CAMK2D: variants seen among roughly 807,000 people sequenced by gnomAD.
CAMK2D encodes the protein calcium/calmodulin-dependent protein kinase type II subunit delta.
A neutral mutation model predicts 84.0 loss-of-function variants in CAMK2D; 37 were observed. That is an observed-to-expected ratio of 0.44 (90% CI 0.34 to 0.58). The LOEUF (loss-of-function observed/expected upper bound fraction) is 0.58, where lower values mean the gene tolerates loss of function less well. Ranked by LOEUF, CAMK2D falls within the 20% of genes least tolerant of loss-of-function variation. The probability of loss-of-function intolerance (pLI) is 0.02; values close to 1 mark genes in which losing one functional copy is unlikely to be tolerated. For missense variants in CAMK2D, 448 were observed against 652.5 expected, an observed-to-expected ratio of 0.69 and a Z score of 3.41; for synonymous variants, 202 against 212.5, an observed-to-expected ratio of 0.95 and a Z score of 0.43.
chr4:113,592,255 AT>A (rs1472881867), intron 4 of CAMK2D, among the ~76,000 whole-genome samples: 1 of 152,116 alleles, frequency 6.6e-6, no homozygotes, highest in Non-Finnish European at 1.5e-5. Context: ...GATGAAATGG[AT>A]GAGTGCATGG....
In CAMK2D at chr4:113,537,472, T is replaced by G. The variant is rs1340896293; in HGVS notation, c.415-29A>C. The G allele has an allele frequency of 2.3e-6, 3 of 1,322,396 alleles. No individual in the cohort carries two copies. The South Asian group carries it at 3.6e-5, about 16-fold the overall frequency. 81.9% of individuals were successfully genotyped at this position (1,322,396 alleles called of 1,614,324 possible). A position where few individuals can be genotyped will look rare whatever the true frequency, so the allele number is the denominator to read the frequency against. On this transcript the variant is annotated intron_variant, in intron 6 of 20. Transcript: ENST00000511664. ...TATTTAGAAAGAAAAAAAAAGAGAC[T>G]GAAGTGAGAACCTATTTTAAGCGAC...
At chr4:113,553,785 T>C (rs1053150441) in intron 4 of CAMK2D, among the ~76,000 whole-genome samples, 4 of 152,222 alleles carry the variant, frequency 2.6e-5, no homozygotes, top group African/African-American at 9.6e-5. Flanking sequence ...TAGCTATTTA[T>C]TCCGATTAGA....
chr4:113,696,251 C>A (rs2099402529), intron 2 of CAMK2D, among the ~76,000 whole-genome samples: 1 of 151,210 alleles, frequency 6.6e-6, no homozygotes, highest in African/African-American at 2.4e-5. Context: ...TACTCCTTAG[C>A]CCCCTTCCCT....
intron 4 of CAMK2D, among the ~76,000 whole-genome samples, chr4:113,587,792 A>G (rs115255841): frequency 2.0e-5 from 3 of 152,240 alleles, no homozygotes; most frequent in Non-Finnish European, 4.4e-5. Flanking sequence ...GAGGCTGTCT[A>G]TCATCAGTAC....
chr4:113,639,938 C>A (rs1205342837), intron 3 of CAMK2D, among the ~76,000 whole-genome samples: 1 of 151,900 alleles, frequency 6.6e-6, no homozygotes, highest in African/African-American at 2.4e-5. Flanking sequence ...GGGAAGAATT[C>A]AGAAGAGGGA....
chr4:113,543,949 G>A (rs1009000393), intron 6 of CAMK2D, among the ~76,000 whole-genome samples: 22 of 151,896 alleles, frequency 1.4e-4, no homozygotes, highest in East Asian at 7.7e-4. Context: ...CCGCCACCAC[G>A]CCCCGCTAAT....
At position 113,454,351 on chromosome 4, in the gene CAMK2D, GA is replaced by G. The variant is rs569659261; in HGVS notation, c.*193del. 45 of 512,248 alleles carry G rather than the reference GA, an allele frequency of 8.8e-5. No homozygotes were observed. The highest frequency in any genetic ancestry group is 8.0e-4 in the African/African-American group (41 of 51,450). The allele number at this position is 512,248 out of a possible 1,614,324, so 31.7% of individuals were successfully genotyped here. ...TAGTTGAAGTGTAAACAATGTATAG[GA>G]AGGAATATATGATAAGATGATGCAT... On this transcript the variant is annotated 3_prime_UTR_variant, in exon 21 of 21. Transcript: ENST00000511664.
intron 2 of CAMK2D, among the ~76,000 whole-genome samples, chr4:113,719,972 A>T (rs1307162589): frequency 6.6e-6 from 1 of 152,156 alleles, no homozygotes; most frequent in Non-Finnish European, 1.5e-5. Context: ...TCCTATAACC[A>T]GAGGTGATTG....
intron 2 of CAMK2D, among the ~76,000 whole-genome samples, chr4:113,708,000 T>C (rs965217004): frequency 3.9e-5 from 6 of 152,166 alleles, no homozygotes; most frequent in South Asian, 2.1e-4. Context: ...GGAATGAAGA[T>C]ACAACACCAT....
At chr4:113,651,626 A>G (rs1040164206) in intron 3 of CAMK2D, among the ~76,000 whole-genome samples, 29 of 152,194 alleles carry the variant, frequency 1.9e-4, no homozygotes, top group African/African-American at 6.8e-4. Flanking sequence ...TCATCACATT[A>G]CTATCTGGTC....
At chr4:113,722,875 C>T (rs1308990829) in intron 2 of CAMK2D, among the ~76,000 whole-genome samples, 2 of 152,062 alleles carry the variant, frequency 1.3e-5, no homozygotes, top group Non-Finnish European at 2.9e-5. Context: ...TCACCTTCAC[C>T]AAAGCAGAGA....
chr4:113,467,870 AGG>A (rs2097495196), intron 16 of CAMK2D, among the ~76,000 whole-genome samples: 3 of 152,142 alleles, frequency 2.0e-5, no homozygotes, highest in Non-Finnish European at 4.4e-5. Context: ...ACGGGTGAGG[AGG>A]ATCTCAGAAA....
chr4:113,492,947 A>T (rs2097864179), intron 16 of CAMK2D, among the ~76,000 whole-genome samples: 1 of 89,870 alleles, frequency 1.1e-5, no homozygotes. Flanking sequence ...CTGTTTTATC[A>T]GAGACTAGGA....
At chr4:113,495,289 A>T (rs1168450737) in intron 16 of CAMK2D, among the ~76,000 whole-genome samples, 1 of 152,210 alleles carries the variant, frequency 6.6e-6, no homozygotes, top group Non-Finnish European at 1.5e-5. Flanking sequence ...GAATGACATA[A>T]TTATCAAAAG....
chr4:113,522,101 C>T (rs538765820), intron 8 of CAMK2D, among the ~76,000 whole-genome samples: 5 of 152,156 alleles, frequency 3.3e-5, no homozygotes, highest in East Asian at 1.9e-4. Flanking sequence ...ACTATATCAT[C>T]GAGAACATTC....
At chr4:113,513,685 C>T in intron 11 of CAMK2D, 145 bp downstream of exon 11, 2 of 611,198 alleles carry the variant, frequency 3.3e-6, no homozygotes, top group Non-Finnish European at 5.9e-6. Flanking sequence ...GTGTATATTC[C>T]ATTTCCCAAG....
chr4:113,502,473 A>C (rs1300885245), intron 15 of CAMK2D, among the ~76,000 whole-genome samples: 8 of 150,150 alleles, frequency 5.3e-5, no homozygotes, highest in East Asian at 2.0e-4. Flanking sequence ...AAAAAAAAAA[A>C]CACCACTCTG....
chr4:113,533,661 C>G (rs1187916285), intron 7 of CAMK2D, among the ~76,000 whole-genome samples: 1 of 149,074 alleles, frequency 6.7e-6, no homozygotes, highest in Non-Finnish European at 1.5e-5. Context: ...TGGTAGTTAT[C>G]TTTTTTTTTT....
chr4:113,541,546 A>G (rs2098530026), intron 6 of CAMK2D, among the ~76,000 whole-genome samples: 1 of 152,204 alleles, frequency 6.6e-6, no homozygotes. Context: ...TGTGCCATCT[A>G]AAAGACTCAA....
Sources: allele counts gnomAD v4.1 joint callset (sites outside exome capture counted in the v4.1 genomes callset), GRCh38; gene constraint gnomAD v4.1.1; transcripts MANE v1.5; gene names NCBI Gene and HGNC (gene_info 2026-07-23, HGNC 2026-07-21).